Variants in GRIK2 observed in about 807,000 individuals in gnomAD.
GRIK2 encodes glutamate receptor ionotropic, kainate 2.
Under a neutral mutation model 100.3 loss-of-function variants are expected in GRIK2, and 32 were observed. The observed-to-expected ratio is 0.32, with a 90% CI of 0.24 to 0.43. The LOEUF (loss-of-function observed/expected upper bound fraction) is 0.43, where lower values mean the gene tolerates loss of function less well. Ranked by LOEUF, GRIK2 falls within the 20% of genes least tolerant of loss-of-function variation. The probability of loss-of-function intolerance (pLI) is 1.00; values close to 1 mark genes in which losing one functional copy is unlikely to be tolerated. For synonymous variants in GRIK2, 417 were observed against 389.4 expected (o/e 1.07, Z -0.83); for missense variants, 843 against 1,114.9 (o/e 0.76, Z 3.47).
At chr6:101,789,235 C>G (rs1172927374) in intron 7 of GRIK2, among the ~76,000 whole-genome samples, 1 of 152,138 alleles carries the variant, frequency 6.6e-6, no homozygotes, top group Non-Finnish European at 1.5e-5. Context: ...TCAATTTTGG[C>G]TTTTGTTGCC....
At chr6:101,654,698 G>A (rs147390296) in intron 4 of GRIK2, among the ~76,000 whole-genome samples, 14 of 152,092 alleles carry the variant, frequency 9.2e-5, no homozygotes, top group African/African-American at 2.9e-4. Context: ...CACTTCACCC[G>A]TGTCCCACCC....
At chr6:101,977,614 G>A (rs1218862091) in intron 14 of GRIK2, among the ~76,000 whole-genome samples, 1 of 151,962 alleles carries the variant, frequency 6.6e-6, no homozygotes, top group East Asian at 1.9e-4. Flanking sequence ...GCTGTGAGCA[G>A]AGCATAGGAT....
intron 7 of GRIK2, among the ~76,000 whole-genome samples, chr6:101,730,731 A>G (rs569764212): frequency 1.3e-5 from 2 of 151,932 alleles, no homozygotes; most frequent in Non-Finnish European, 2.9e-5. Context: ...TAGAGAAAAG[A>G]TAAAGAGATA....
rs928769396 is a variant in GRIK2 at position 102,035,956 on chromosome 6, G to A, written c.2311+390G>A. On this transcript the variant is annotated intron_variant, in intron 15 of 16. Coordinates refer to ENST00000369134, the MANE Select transcript of GRIK2 (RefSeq NM_021956.5). Reference sequence around the variant, plus strand: ...ATAGTATTTGACTTAGAGAGTTAACGAAAATAAGTGAGGCATAAATGGCTC... The same window carrying A: ...ATAGTATTTGACTTAGAGAGTTAACAAAAATAAGTGAGGCATAAATGGCTC... Among the ~76,000 whole-genome samples the A allele has an allele frequency of 7.3e-5, 11 of 151,262 alleles. No individual in the cohort carries two copies. In the South Asian group the frequency reaches 1.0e-3, roughly 14 times the overall value.
chr6:101,516,781 G>T (rs1774606918), intron 2 of GRIK2, among the ~76,000 whole-genome samples: 1 of 151,976 alleles, frequency 6.6e-6, no homozygotes, highest in Non-Finnish European at 1.5e-5. Flanking sequence ...CCCAGCAAAA[G>T]GCAAGTATAT....
chr6:101,931,464 G>A (rs530562051), intron 14 of GRIK2, among the ~76,000 whole-genome samples: 4 of 152,200 alleles, frequency 2.6e-5, no homozygotes, highest in African/African-American at 9.6e-5. Context: ...AAACGATACA[G>A]TTTTGTTACT....
intron 11 of GRIK2, among the ~76,000 whole-genome samples, chr6:101,886,271 G>C (rs1786607451): frequency 6.6e-6 from 1 of 151,990 alleles, no homozygotes; most frequent in Non-Finnish European, 1.5e-5. Context: ...TGGCTTGAAA[G>C]CTCATTTATT....
At chr6:101,891,244 T>C (rs765569379) in intron 12 of GRIK2, among the ~76,000 whole-genome samples, 23 of 151,632 alleles carry the variant, frequency 1.5e-4, no homozygotes, top group South Asian at 8.3e-4. Flanking sequence ...ATTGGCCGGG[T>C]GTGGTTGCTC....
At chr6:101,729,263 TAGAG>T (rs1209582477) in intron 7 of GRIK2, among the ~76,000 whole-genome samples, 2 of 152,000 alleles carry the variant, frequency 1.3e-5, no homozygotes, top group South Asian at 2.1e-4. Flanking sequence ...TGCATTTAAT[TAGAG>T]AGAAGTATGT....
chr6:101,647,054 A>G (rs536596898), intron 4 of GRIK2, among the ~76,000 whole-genome samples: 232 of 152,084 alleles, frequency 1.5e-3, no homozygotes, highest in Non-Finnish European at 2.1e-3. Context: ...GTCTCCCTAT[A>G]TAAAAAAATG....
At chr6:101,818,697 C>T (rs567486874) in intron 10 of GRIK2, among the ~76,000 whole-genome samples, 6 of 152,136 alleles carry the variant, frequency 3.9e-5, no homozygotes, top group African/African-American at 1.4e-4. Context: ...TTTATGTTGA[C>T]TAATAATACA....
chr6:101,730,673 T>C (rs551354566), intron 7 of GRIK2, among the ~76,000 whole-genome samples: 3 of 151,586 alleles, frequency 2.0e-5, no homozygotes, highest in Admixed American at 2.0e-4. Context: ...ATTCTTGATA[T>C]AGATCATAAG....
chr6:101,723,315 T>G (rs1193029366), intron 7 of GRIK2, among the ~76,000 whole-genome samples: 1 of 152,044 alleles, frequency 6.6e-6, no homozygotes, highest in Admixed American at 6.6e-5. Flanking sequence ...TAAAAGACAG[T>G]GTTTATCCAT....
intron 7 of GRIK2, among the ~76,000 whole-genome samples, chr6:101,701,802 T>G (rs998636845): frequency 3.9e-5 from 6 of 152,104 alleles, no homozygotes; most frequent in African/African-American, 1.4e-4. Flanking sequence ...TGTAGCAAAT[T>G]TGTAAGCTAT....
chr6:101,916,625 G>A (rs935370806), intron 12 of GRIK2, among the ~76,000 whole-genome samples: 3 of 151,538 alleles, frequency 2.0e-5, no homozygotes, highest in African/African-American at 7.3e-5. Context: ...CATTTTCACA[G>A]GCGATCTCCA....
intron 2 of GRIK2, among the ~76,000 whole-genome samples, chr6:101,617,121 TAGAA>T (rs1461332564): frequency 1.3e-5 from 2 of 151,880 alleles, no homozygotes; most frequent in East Asian, 1.9e-4. Context: ...TTTTCAAACT[TAGAA>T]AGGCCTTAGC....
At position 102,034,894 on chromosome 6, in the gene GRIK2, AAAAC is replaced by A. The variant is rs1349505595; in HGVS notation, c.2086-438_2086-435del. 9.9e-5 allele frequency among the ~76,000 whole-genome samples: 15 copies of A among 151,410 alleles called. No homozygotes were observed. The East Asian group carries it at 1.6e-3, about 16-fold the overall frequency. On this transcript the variant is annotated intron_variant, in intron 14 of 16. Transcript: ENST00000369134. ...GTGTTACGTTAACCCAAGTTGGGGG[AAAAC>A]AAACAAACTCTTGGAGTCTTACAGT...
At chr6:101,748,706 A>T (rs1776598916) in intron 7 of GRIK2, among the ~76,000 whole-genome samples, 1 of 152,198 alleles carries the variant, frequency 6.6e-6, no homozygotes, top group South Asian at 2.1e-4. Context: ...AACTGAGACT[A>T]TTCGCCAGGA....
At chr6:101,922,179 T>G (rs9498746) in intron 12 of GRIK2, among the ~76,000 whole-genome samples, 6 of 149,470 alleles carry the variant, frequency 4.0e-5, no homozygotes, top group African/African-American at 1.5e-4. Flanking sequence ...ATTCTTTCCT[T>G]CCTCTTCAGA....
Sources: gnomAD v4.1 joint callset for allele counts (sites outside exome capture counted in the v4.1 genomes callset) on GRCh38, gnomAD v4.1.1 for gene constraint, MANE v1.5 for transcripts, NCBI Gene and HGNC (gene_info 2026-07-23, HGNC 2026-07-21) for gene names.